MYO3B: variants seen among roughly 807,000 people sequenced by gnomAD.
MYO3B encodes the protein myosin IIIB, also known as myosin-IIIb.
Under a neutral mutation model 174.6 loss-of-function variants are expected in MYO3B, and 156 were observed. That is an observed-to-expected ratio of 0.89 (90% confidence interval 0.78 to 1.02). The LOEUF (loss-of-function observed/expected upper bound fraction) is 1.02, where lower values mean the gene tolerates loss of function less well. Among genes scored for constraint, MYO3B ranks in the 50% least tolerant of loss-of-function variants. The pLI, the probability that MYO3B is intolerant of heterozygous loss-of-function variation, is 0.00. For missense variants in MYO3B, 1,632 were observed against 1,639.4 expected, an observed-to-expected ratio of 1.00 and a Z score of 0.08; for synonymous variants, 563 against 569.1, an observed-to-expected ratio of 0.99 and a Z score of 0.15.
chr2:170,649,111 A>AATAATATATAATGTATATAAAATAATAT (rs1698691040), intron 32 of MYO3B, among the ~76,000 whole-genome samples: 1 of 58,594 alleles, frequency 1.7e-5, no homozygotes, highest in East Asian at 4.6e-4. Context: ...TTATATATAA[A>AATAATATATAATGTATATAAAATAATAT]ATAATATATA....
At chr2:170,581,506 T>C (rs570834880) in intron 32 of MYO3B, among the ~76,000 whole-genome samples, 1 of 152,282 alleles carries the variant, frequency 6.6e-6, no homozygotes, top group South Asian at 2.1e-4. Context: ...TTTTAATGGC[T>C]TATGTGCCTT....
In MYO3B at chr2:170,178,274, A is replaced by G; in HGVS notation, c.-14A>G. On this transcript the variant is annotated 5_prime_UTR_variant, in exon 1 of 35. Transcript: ENST00000408978. ...CCAATCTCTCATAAGCCGGATTCAG[A>G]AAATAGGTCATCGATGTGAGTTGCA... 1.2e-6 allele frequency: 2 copies of G among 1,614,188 alleles called. No homozygotes were observed. The highest frequency in any genetic ancestry group is 1.7e-6 in the Non-Finnish European group (2 of 1,180,018).
intron 8 of MYO3B, among the ~76,000 whole-genome samples, chr2:170,352,425 C>A (rs1453020081): frequency 6.6e-6 from 1 of 152,232 alleles, no homozygotes; most frequent in Middle Eastern, 3.4e-3. Flanking sequence ...TTTAATCAAT[C>A]TAACAGAAGA....
chr2:170,369,277 C>A lies in MYO3B; in HGVS notation c.871C>A (p.Pro291Thr), dbSNP rs764966692. 1.9e-6 allele frequency: 3 copies of A among 1,613,534 alleles called. No homozygotes were observed. Among genetic ancestry groups the A allele is most frequent in the South Asian group, 1.1e-5 (1 of 90,998 alleles). The change falls in exon 9 of 35, where the codon CCA becomes ACA. Residue 291 changes from proline to threonine, a missense_variant. Physicochemically the swap from Pro to Thr is conservative, Grantham distance 38. Coordinates refer to ENST00000408978, the MANE Select transcript of MYO3B (RefSeq NM_138995.5). Reference protein sequence around the residue: ...RPSVTHLLDHPFIKGVHGKVL... With the variant: ...RPSVTHLLDHTFIKGVHGKVL... ...TTCCGTCACACATCTCCTTGACCAC[C>A]CATTTATTAAAGGAGTACATGGAAA... is the stretch of plus-strand genomic sequence containing the variant.
chr2:170,254,763 A>G (rs2093289265), intron 7 of MYO3B, among the ~76,000 whole-genome samples: 1 of 152,162 alleles, frequency 6.6e-6, no homozygotes, highest in African/African-American at 2.4e-5. Flanking sequence ...GCACAGGTTC[A>G]TGTGCCAGCA....
chr2:170,220,118 C>T (rs1362057413), intron 6 of MYO3B, among the ~76,000 whole-genome samples: 3 of 150,680 alleles, frequency 2.0e-5, no homozygotes, highest in Non-Finnish European at 4.4e-5. Flanking sequence ...ATTAGCTGGG[C>T]ATGGTGGCGG....
Position 170,595,143 on chromosome 2 carries a change from G to A in MYO3B, c.3733+51155G>A, listed in dbSNP as rs188849837. Among the ~76,000 whole-genome samples the A allele has an allele frequency of 2.3e-4, 35 of 152,250 alleles. No individual in the cohort carries two copies. The East Asian group carries it at 5.2e-3, about 23-fold the overall frequency. Reference sequence around the variant, plus strand: ...CCCACAAACCTAAGTTTTGATTTCTGTAAAATAGGAACGGTAACCATCGTT... The same window carrying A: ...CCCACAAACCTAAGTTTTGATTTCTATAAAATAGGAACGGTAACCATCGTT... On this transcript the variant is annotated intron_variant, in intron 32 of 34. Coordinates refer to ENST00000408978, the MANE Select transcript of MYO3B (RefSeq NM_138995.5).
intron 32 of MYO3B, among the ~76,000 whole-genome samples, chr2:170,572,427 C>CAAA (rs570741105): frequency 7.5e-6 from 1 of 132,554 alleles, no homozygotes; most frequent in Non-Finnish European, 1.6e-5. Context: ...GACTCTGTCT[C>CAAA]AAAAAAAAAA....
At chr2:170,371,587 C>T (rs1043486696) in intron 9 of MYO3B, among the ~76,000 whole-genome samples, 2 of 151,994 alleles carry the variant, frequency 1.3e-5, no homozygotes, top group Admixed American at 1.3e-4. Flanking sequence ...TGGCAAGGAG[C>T]TGGCTACATA....
chr2:170,283,947 T>G (rs1043903223), intron 7 of MYO3B, among the ~76,000 whole-genome samples: 7 of 152,250 alleles, frequency 4.6e-5, no homozygotes, highest in Non-Finnish European at 1.0e-4. Context: ...AACAATACAT[T>G]GGCTTCTCAG....
chr2:170,285,319 A>T (rs2093546833), intron 7 of MYO3B, among the ~76,000 whole-genome samples: 1 of 151,722 alleles, frequency 6.6e-6, no homozygotes, highest in African/African-American at 2.4e-5. Context: ...TATATTCAGG[A>T]TACTAACATT....
At chr2:170,283,063 C>A (rs759567510) in intron 7 of MYO3B, among the ~76,000 whole-genome samples, 17 of 152,160 alleles carry the variant, frequency 1.1e-4, no homozygotes, top group Non-Finnish European at 2.9e-5. Flanking sequence ...CTGTTGTACC[C>A]TGGGCTAGGA....
At chr2:170,474,106 T>A (rs1685158836) in intron 25 of MYO3B, among the ~76,000 whole-genome samples, 1 of 152,180 alleles carries the variant, frequency 6.6e-6, no homozygotes, top group African/African-American at 2.4e-5. Flanking sequence ...AGTGTCTTTT[T>A]CCTTGTATCA....
chr2:170,543,944 C>T lies in MYO3B; in HGVS notation c.3689C>T (p.Pro1230Leu). ...LLSSRICHPA[P>L]DQQGLSLWGA... ...TCTTCTCGGATATGCCATCCTGCTC[C>T]AGATCAGCAAGGATTGAGTCTCTGG... The change falls in exon 32 of 35, where the codon CCA (proline) becomes CTA (leucine). Residue 1230 changes from proline to leucine, a missense_variant. By Grantham distance (98) the Pro-to-Leu change is moderately conservative (BLOSUM62 -3). Coordinates refer to ENST00000408978, the MANE Select transcript of MYO3B (RefSeq NM_138995.5). The T allele has an allele frequency of 1.2e-6, 2 of 1,613,336 alleles. No homozygotes were observed. Among genetic ancestry groups the T allele is most frequent in the Non-Finnish European group, 1.7e-6 (2 of 1,179,404 alleles).
chr2:170,185,277 T>C (rs2092448453), intron 1 of MYO3B, among the ~76,000 whole-genome samples: 1 of 152,158 alleles, frequency 6.6e-6, no homozygotes, highest in African/African-American at 2.4e-5. Context: ...AGTTTCTCCA[T>C]TGTTTTCTTT....
intron 32 of MYO3B, among the ~76,000 whole-genome samples, chr2:170,597,235 T>C (rs1694210834): frequency 6.6e-6 from 1 of 151,972 alleles, no homozygotes. Flanking sequence ...TAGCCGGGCA[T>C]GGTGGCACAC....
intron 7 of MYO3B, among the ~76,000 whole-genome samples, chr2:170,331,098 G>T (rs2093908875): frequency 6.6e-6 from 1 of 152,172 alleles, no homozygotes; most frequent in Non-Finnish European, 1.5e-5. Flanking sequence ...ATGTGCAAAG[G>T]CCCTGAGGCA....
chr2:170,350,084 C>G (rs2105594909), intron 8 of MYO3B, among the ~76,000 whole-genome samples: 1 of 152,140 alleles, frequency 6.6e-6, no homozygotes, highest in African/African-American at 2.4e-5. Context: ...TCATTGCAAT[C>G]TCAACCTCCC....
At chr2:170,481,431 A>G (rs1025872175) in intron 25 of MYO3B, among the ~76,000 whole-genome samples, 25 of 152,164 alleles carry the variant, frequency 1.6e-4, no homozygotes, top group African/African-American at 5.8e-4. Context: ...AAAAATGAGC[A>G]GAGTGTGGTC....
Sources: gnomAD v4.1 joint callset for allele counts (sites outside exome capture counted in the v4.1 genomes callset) on GRCh38, gnomAD v4.1.1 for gene constraint, MANE v1.5 for transcripts, NCBI Gene and HGNC (gene_info 2026-07-23, HGNC 2026-07-21) for gene names.